Variants in ZNF705D observed in about 807,000 individuals in gnomAD.
The protein encoded by ZNF705D is putative zinc finger protein 705C.
For missense variants in ZNF705D, 6 were observed against 129.4 expected (o/e 0.05, Z 4.63); for synonymous variants, 1 against 43.8 (o/e 0.02, Z 3.86).
At chr8:12,095,444 G>A in the ZNF705D span, 1 of 35,172 alleles carries the variant, frequency 2.8e-5, no homozygotes. Flanking sequence ...GTGGATTTGT[G>A]TGTGTGTGTG....
chr8:12,110,434 G>C (rs1802259902), intron 2 of ZNF705D, among the ~76,000 whole-genome samples: 1 of 58,756 alleles, frequency 1.7e-5, no homozygotes, highest in African/African-American at 3.9e-5. Flanking sequence ...AATTATTTTT[G>C]TAAATCGAAT....
At chr8:12,089,815 G>A in the ZNF705D span, among the ~76,000 whole-genome samples, 1,281 of 56,520 alleles carry the variant, frequency 0.023, 308 homozygotes, top group Non-Finnish European at 0.037. Context: ...AAGGATTATG[G>A]CTGCCTCTGC....
At chr8:12,109,420 C>T (rs1404708463) in intron 1 of ZNF705D, among the ~76,000 whole-genome samples, 2 of 88,176 alleles carry the variant, frequency 2.3e-5, no homozygotes, top group African/African-American at 5.8e-5. Context: ...TTATTCAAAA[C>T]ACATCATTGG....
the ZNF705D span, chr8:12,095,198 C>T: frequency 6.7e-5 from 81 of 1,208,348 alleles, 10 homozygotes; most frequent in African/African-American, 1.4e-3. Context: ...GTGTGTAGTG[C>T]TCTCAATTCT....
intron 2 of ZNF705D, among the ~76,000 whole-genome samples, chr8:12,110,335 C>T (rs1158818882): frequency 2.4e-5 from 2 of 82,436 alleles, no homozygotes; most frequent in Admixed American, 1.6e-4. Flanking sequence ...TATTAAATTA[C>T]TCTCTAAATA....
At chr8:12,107,677 G>A (rs1802228141), upstream of ZNF705D, among the ~76,000 whole-genome samples, 1 of 71,662 alleles carries the variant, frequency 1.4e-5, no homozygotes, top group South Asian at 5.7e-4. Context: ...GAAAATAAAA[G>A]TGGAGTAAAG....
In ZNF705D at chr8:12,109,449, G is replaced by T. The variant is rs1176171077; in HGVS notation, c.13-451G>T. 3.5e-5 allele frequency among the ~76,000 whole-genome samples: 3 copies of T among 86,816 alleles called. 1 individual carries two copies. Among genetic ancestry groups the T allele is most frequent in the African/African-American group, 8.8e-5 (3 of 34,170 alleles). 57.0% of individuals were successfully genotyped at this position (86,816 alleles called of 152,430 possible). ...TCATTGGTCTTTTAACCATTTGATT[G>T]GGGAGAAACCTGTCGTTCATCTAGA... On this transcript the variant is annotated intron_variant, in intron 1 of 4. Coordinates refer to ENST00000400078, the Ensembl canonical transcript of ZNF705D.
chr8:12,091,785 A>AT, the ZNF705D span, among the ~76,000 whole-genome samples: 10 of 11,904 alleles, frequency 8.4e-4, no homozygotes, highest in African/African-American at 1.2e-3. Flanking sequence ...CTAATTTTGT[A>AT]TTTTTTTTTT....
upstream of ZNF705D, chr8:12,104,449 AT>A (rs1447765098): frequency 8.7e-5 from 6 of 69,108 alleles, 3 homozygotes; most frequent in Non-Finnish European, 1.9e-4. Flanking sequence ...TACTTAGATT[AT>A]TTTTTTAAAA....
At chr8:12,105,132 TG>T (rs1802184482), upstream of ZNF705D, among the ~76,000 whole-genome samples, 1 of 101,464 alleles carries the variant, frequency 9.9e-6, no homozygotes, top group African/African-American at 2.7e-5. Flanking sequence ...TGTATAGCAC[TG>T]GTGTTGAGAA....
At position 12,110,264 on chromosome 8, in the gene ZNF705D, C is replaced by T. The variant is rs1231205800; in HGVS notation, c.139+238C>T. 5.5e-4 allele frequency among the ~76,000 whole-genome samples: 36 copies of T among 65,926 alleles called. 9 individuals carry two copies. The highest frequency in any genetic ancestry group is 1.1e-3 in the Non-Finnish European group (28 of 26,642). 43.3% of individuals were successfully genotyped at this position (65,926 alleles called of 152,430 possible). ...AATCTTGACAAGTATTTCATGGTGT[C>T]TTTGGTACTCAGTCTCTAATACTCA... On this transcript the variant is annotated intron_variant, in intron 2 of 4. Coordinates refer to ENST00000400078, the Ensembl canonical transcript of ZNF705D.
At chr8:12,090,178 C>T in the ZNF705D span, among the ~76,000 whole-genome samples, 3 of 91,094 alleles carry the variant, frequency 3.3e-5, 1 homozygote, top group African/African-American at 2.8e-5. Flanking sequence ...GGATGTCTGC[C>T]GTGCCAGGCA....
At chr8:12,110,446 T>G (rs994948587) in intron 2 of ZNF705D, among the ~76,000 whole-genome samples, 101 of 46,430 alleles carry the variant, frequency 2.2e-3, no homozygotes, top group Middle Eastern at 0.012. Flanking sequence ...AAATCGAATG[T>G]TTTTTTTTGT....
chr8:12,090,650 C>T, the ZNF705D span, among the ~76,000 whole-genome samples: 3,922 of 7,662 alleles, frequency 0.51, 1,689 homozygotes, highest in Non-Finnish European at 0.76. Flanking sequence ...TTTTGAGAAG[C>T]GTCTGATCAT....
In ZNF705D at chr8:12,109,546, G is replaced by A. The variant is rs1161243038; in HGVS notation, c.13-354G>A. On this transcript the variant is annotated intron_variant, in intron 1 of 4. Coordinates refer to ENST00000400078, the Ensembl canonical transcript of ZNF705D. ...TGGTTATTTGCCTTGTGACAAATCTGTAATTTACTTGAAATTCATGGTAAA... is the reference window on the plus strand; with the variant it reads ...TGGTTATTTGCCTTGTGACAAATCTATAATTTACTTGAAATTCATGGTAAA... Among the ~76,000 whole-genome samples, 2 of 69,132 alleles carry A rather than the reference G, an allele frequency of 2.9e-5. 1 individual carries two copies. The highest frequency in any genetic ancestry group is 7.2e-5 in the Non-Finnish European group (2 of 27,838). The allele number at this position is 69,132 out of a possible 152,430, so 45.4% of individuals were successfully genotyped here. A position where few individuals can be genotyped will look rare whatever the true frequency, so the allele number is the denominator to read the frequency against.
the ZNF705D span, among the ~76,000 whole-genome samples, chr8:12,090,243 C>T: frequency 5.0e-5 from 4 of 79,796 alleles, no homozygotes; most frequent in African/African-American, 8.8e-5. Flanking sequence ...GCTACTTCCT[C>T]TACTCCTGTA....
upstream of ZNF705D, among the ~76,000 whole-genome samples, chr8:12,105,755 A>G (rs1419922538): frequency 2.3e-4 from 11 of 47,556 alleles, 1 homozygote; most frequent in African/African-American, 1.0e-3. Flanking sequence ...AAAAAAAAAG[A>G]GAGAGAGAGA....
At chr8:12,090,778 A>G in the ZNF705D span, among the ~76,000 whole-genome samples, 1 of 51,086 alleles carries the variant, frequency 2.0e-5, no homozygotes, top group Non-Finnish European at 5.3e-5. Flanking sequence ...CCCATTCTGC[A>G]GGTTGTCTTT....
In ZNF705D at chr8:12,113,076, AC is replaced by A. The variant is rs1270053097; in HGVS notation, c.822del (p.Asn274LysfsTer3). 7.1e-7 allele frequency: 1 copy of A among 1,415,402 alleles called. No individual in the cohort carries two copies. Among genetic ancestry groups the A allele is most frequent in the African/African-American group, 1.4e-5 (1 of 69,424 alleles). 87.7% of individuals were successfully genotyped at this position (1,415,402 alleles called of 1,614,324 possible). The stretch of plus-strand genomic sequence containing the variant: ...AGTCAAAGCTCTGGCTTTAGAGGAA[AC>A]AAAATAATTCACATTGGAGAGAAAC... On this transcript the variant is annotated frameshift_variant, in exon 5 of 5. Coordinates refer to ENST00000400078, the Ensembl canonical transcript of ZNF705D. LOFTEE classifies it high-confidence loss of function.
Sources: allele counts gnomAD v4.1 joint callset (sites outside exome capture counted in the v4.1 genomes callset), GRCh38; gene constraint gnomAD v4.1.1; transcripts MANE v1.5; gene names NCBI Gene and HGNC (gene_info 2026-07-23, HGNC 2026-07-21).